Variants in OR8G5 observed in about 807,000 individuals in gnomAD.
The protein encoded by OR8G5 is olfactory receptor family 8 subfamily G member 5.
For missense variants in OR8G5, 347 were observed against 371.9 expected (o/e 0.93, Z 0.55); for synonymous variants, 147 against 147.7 (o/e 1.00, Z 0.03).
rs75188199 is a variant in OR8G5 at position 124,259,968 on chromosome 11, G to C, written c.-15+3334G>C. ...AAGGCATTTACTGATCTTATATACA[G>C]ATGTTGAGAAAGGGATATAGAGAAT... is the stretch of plus-strand genomic sequence containing the variant. On this transcript the variant is annotated intron_variant, in intron 1 of 1. Transcript: ENST00000641992. Among the ~76,000 whole-genome samples, 1,040 of 152,156 alleles carry C rather than the reference G, an allele frequency of 6.8e-3. 7 individuals are homozygous for C. Among genetic ancestry groups the C allele is most frequent in the African/African-American group, 0.024 (987 of 41,540 alleles).
At chr11:124,261,086 G>A (rs11219541) in intron 1 of OR8G5, among the ~76,000 whole-genome samples, 54,746 of 150,764 alleles carry the variant, frequency 0.36, 10,384 homozygotes, top group East Asian at 0.47. Context: ...TTGTCTTTCT[G>A]TGCCTGGCTT....
chr11:124,262,045 A>C (rs1861976499), intron 1 of OR8G5, among the ~76,000 whole-genome samples: 1 of 151,936 alleles, frequency 6.6e-6, no homozygotes, highest in South Asian at 2.1e-4. Flanking sequence ...TTATATGCAC[A>C]TATTACAAAA....
intron 1 of OR8G5, among the ~76,000 whole-genome samples, chr11:124,260,768 T>C (rs1861962854): frequency 1.3e-5 from 2 of 152,064 alleles, no homozygotes; most frequent in Non-Finnish European, 2.9e-5. Flanking sequence ...TGTGTAATGA[T>C]CAAATCAGGG....
At chr11:124,258,768 ACTTCT>A (rs1861936841) in intron 1 of OR8G5, among the ~76,000 whole-genome samples, 2 of 151,732 alleles carry the variant, frequency 1.3e-5, no homozygotes, top group African/African-American at 4.8e-5. Flanking sequence ...GATGCCACAG[ACTTCT>A]CTTCATTGCC....
chr11:124,265,505 A>G lies in OR8G5; in HGVS notation c.574A>G (p.Thr192Ala). Residue 192 changes from threonine (T) to alanine (A), a missense_variant, in exon 2 of 2, where the codon ACT (threonine) becomes GCT (alanine). Physicochemically the swap from Thr to Ala is moderately conservative, Grantham distance 58 (BLOSUM62 0). Coordinates refer to ENST00000641992, the MANE Select transcript of OR8G5 (RefSeq NM_001005198.2). ...ISILKLSCSS[T>A]YINELLILIF... ...TATCTTGAAGCTCTCCTGTTCTAGT[A>G]CTTACATTAATGAGTTACTGATTTT... 6.2e-7 allele frequency: 1 copy of G among 1,613,908 alleles called. No individual in the cohort carries two copies. Among genetic ancestry groups the G allele is most frequent in the Non-Finnish European group, 8.5e-7 (1 of 1,179,826 alleles).
chr11:124,258,146 TTTTG>T (rs1273808599), intron 1 of OR8G5, among the ~76,000 whole-genome samples: 1 of 152,176 alleles, frequency 6.6e-6, no homozygotes, highest in Non-Finnish European at 1.5e-5. Context: ...ACCTCTTCTC[TTTTG>T]TTTCTCTTTC....
intron 1 of OR8G5, among the ~76,000 whole-genome samples, chr11:124,259,369 T>C (rs1280735043): frequency 6.6e-6 from 1 of 152,176 alleles, no homozygotes; most frequent in Non-Finnish European, 1.5e-5. Context: ...TGAACTAGAA[T>C]ACAACTATCA....
At chr11:124,258,290 C>T (rs1376003258) in intron 1 of OR8G5, among the ~76,000 whole-genome samples, 2 of 152,150 alleles carry the variant, frequency 1.3e-5, no homozygotes. Context: ...GGCTCCGTGG[C>T]TCACACCTGT....
At chr11:124,263,357 TTTTA>T (rs1861992871) in intron 1 of OR8G5, among the ~76,000 whole-genome samples, 1 of 152,002 alleles carries the variant, frequency 6.6e-6, no homozygotes, top group Non-Finnish European at 1.5e-5. Context: ...ATATTTTATT[TTTTA>T]TTATACTTTA....
At chr11:124,257,345 T>A (rs1322779093) in intron 1 of OR8G5, among the ~76,000 whole-genome samples, 2 of 152,214 alleles carry the variant, frequency 1.3e-5, no homozygotes, top group Non-Finnish European at 2.9e-5. Flanking sequence ...TATTCTTTTT[T>A]AATAGGAGAA....
At chr11:124,259,126 G>T (rs770495629) in intron 1 of OR8G5, among the ~76,000 whole-genome samples, 2 of 151,882 alleles carry the variant, frequency 1.3e-5, no homozygotes, top group African/African-American at 2.4e-5. Flanking sequence ...AAACCTGGAT[G>T]ATCATCATCA....
At chr11:124,257,043 C>G (rs1186238244) in intron 1 of OR8G5, among the ~76,000 whole-genome samples, 1 of 152,114 alleles carries the variant, frequency 6.6e-6, no homozygotes, top group Non-Finnish European at 1.5e-5. Context: ...GTAGAAGGAA[C>G]AGTAAACAAA....
chr11:124,258,592 A>AT lies in OR8G5; in HGVS notation c.-15+1958_-15+1959insT, dbSNP rs1462644512. On this transcript the variant is annotated intron_variant, in intron 1 of 1. Coordinates refer to ENST00000641992, the MANE Select transcript of OR8G5 (RefSeq NM_001005198.2). ...AAATAAATAAATAATAATAATAATA[A>AT]AAAAGACATTCATAATTAAACATAA... 1.1e-4 allele frequency among the ~76,000 whole-genome samples: 16 copies of AT among 145,394 alleles called. No homozygotes were observed. In the East Asian group the frequency reaches 2.4e-3, roughly 21 times the overall value.
chr11:124,259,671 C>A (rs950298010), intron 1 of OR8G5, among the ~76,000 whole-genome samples: 2 of 152,072 alleles, frequency 1.3e-5, no homozygotes, highest in Non-Finnish European at 2.9e-5. Context: ...GTAAACACTT[C>A]AATCTCCCTA....
intron 1 of OR8G5, among the ~76,000 whole-genome samples, chr11:124,264,330 T>C (rs1412206512): frequency 2.0e-5 from 3 of 152,224 alleles, no homozygotes; most frequent in African/African-American, 2.4e-5. Context: ...TACTTCCCTG[T>C]AGCTCAGAGA....
rs780308830 is a variant in OR8G5 at position 124,265,832 on chromosome 11, C to A, written c.901C>A (p.Leu301Met). The A allele has an allele frequency of 6.2e-7, 1 of 1,613,490 alleles. No homozygotes were observed. Among genetic ancestry groups the A allele is most frequent in the South Asian group, 1.1e-5 (1 of 90,998 alleles). The change falls in exon 2 of 2, where the codon CTG becomes ATG. Residue 301 changes from leucine to methionine, a missense_variant. Physicochemically the swap from Leu to Met is conservative, Grantham distance 15. Transcript: ENST00000641992. ...SLRNKDVHVA[L>M]KKTLGKRTFL ...GAGGAATAAAGATGTCCACGTTGCCCTGAAGAAAACGCTAGGGAAAAGAAC... is the reference window on the plus strand; with the variant it reads ...GAGGAATAAAGATGTCCACGTTGCCATGAAGAAAACGCTAGGGAAAAGAAC...
intron 1 of OR8G5, among the ~76,000 whole-genome samples, chr11:124,262,644 A>G (rs1031156969): frequency 4.7e-5 from 7 of 149,572 alleles, no homozygotes; most frequent in Non-Finnish European, 7.4e-5. Context: ...TAAATTCTCA[A>G]TAGTATTCAG....
At chr11:124,262,783 T>C (rs577919469) in intron 1 of OR8G5, among the ~76,000 whole-genome samples, 1 of 152,286 alleles carries the variant, frequency 6.6e-6, no homozygotes, top group Non-Finnish European at 1.5e-5. Flanking sequence ...GGCTGCCATG[T>C]ACATTTTTGT....
At chr11:124,259,385 C>G (rs1374028525) in intron 1 of OR8G5, among the ~76,000 whole-genome samples, 1 of 152,094 alleles carries the variant, frequency 6.6e-6, no homozygotes, top group African/African-American at 2.4e-5. Flanking sequence ...TATCAATTAT[C>G]AGAATTAGAG....
Sources: gnomAD v4.1 joint callset for allele counts (sites outside exome capture counted in the v4.1 genomes callset) on GRCh38, gnomAD v4.1.1 for gene constraint, MANE v1.5 for transcripts, NCBI Gene and HGNC (gene_info 2026-07-23, HGNC 2026-07-21) for gene names.